The following LPP variants were observed in gnomAD, a reference collection of about 807,000 sequenced individuals.
The protein encoded by LPP is LIM domain containing preferred translocation partner in lipoma.
A neutral mutation model predicts 60.4 loss-of-function variants in LPP; 38 were observed. The observed-to-expected ratio is 0.63, with a 90% CI of 0.49 to 0.83. The LOEUF (loss-of-function observed/expected upper bound fraction) is 0.83. LPP is among the 40% of genes least tolerant of loss of function. The probability of loss-of-function intolerance (pLI) is 0.00; values close to 1 mark genes in which losing one functional copy is unlikely to be tolerated. For synonymous variants in LPP, 328 were observed against 290.8 expected, an observed-to-expected ratio of 1.13 and a Z score of -1.30; for missense variants, 902 against 783.6, an observed-to-expected ratio of 1.15 and a Z score of -1.80.
intron 9 of LPP, among the ~76,000 whole-genome samples, chr3:188,850,339 A>G (rs569975819): frequency 2.4e-4 from 37 of 152,332 alleles, no homozygotes; most frequent in Non-Finnish European, 5.0e-4. Context: ...AACTTAATAC[A>G]TCTTTCAACA....
intron 9 of LPP, among the ~76,000 whole-genome samples, chr3:188,853,600 G>T (rs1201522969): frequency 1.3e-5 from 2 of 152,170 alleles, no homozygotes; most frequent in Admixed American, 1.3e-4. Flanking sequence ...CCTAGACAGG[G>T]GAGGTAGGAC....
chr3:188,244,028 G>A (rs1334615500), intron 2 of LPP, among the ~76,000 whole-genome samples: 2 of 151,982 alleles, frequency 1.3e-5, no homozygotes, highest in African/African-American at 2.4e-5. Context: ...CCGTCACCAC[G>A]CCCGGCTAAT....
chr3:188,339,836 C>A (rs1373551670), intron 2 of LPP, among the ~76,000 whole-genome samples: 1 of 152,168 alleles, frequency 6.6e-6, no homozygotes, highest in Non-Finnish European at 1.5e-5. Context: ...CGACACTTTG[C>A]CCAGGGATGT....
chr3:188,842,777 C>A (rs1760358123), intron 9 of LPP, among the ~76,000 whole-genome samples: 1 of 151,782 alleles, frequency 6.6e-6, no homozygotes, highest in Non-Finnish European at 1.5e-5. Context: ...GCCTAATTTA[C>A]ATGCAATGAG....
At chr3:188,475,881 C>A (rs945787753) in intron 4 of LPP, among the ~76,000 whole-genome samples, 1 of 152,010 alleles carries the variant, frequency 6.6e-6, no homozygotes, top group Non-Finnish European at 1.5e-5. Context: ...CCAGCCTGGG[C>A]GACAGAGCAA....
intron 3 of LPP, among the ~76,000 whole-genome samples, chr3:188,404,406 T>C (rs1239570669): frequency 6.6e-6 from 1 of 152,124 alleles, no homozygotes; most frequent in Non-Finnish European, 1.5e-5. Flanking sequence ...CATTATATCC[T>C]GCTAATTTTT....
intron 6 of LPP, among the ~76,000 whole-genome samples, chr3:188,591,475 T>C (rs539548931): frequency 6.6e-6 from 1 of 152,334 alleles, no homozygotes; most frequent in Admixed American, 6.5e-5. Flanking sequence ...AATATTATTG[T>C]ACAAAGTAAA....
intron 1 of LPP, among the ~76,000 whole-genome samples, chr3:188,197,707 C>T (rs1729934343): frequency 6.6e-6 from 1 of 152,080 alleles, no homozygotes; most frequent in African/African-American, 2.4e-5. Flanking sequence ...CCAGGCGGCA[C>T]TGGAGCAGAG....
chr3:188,424,227 C>T (rs2149073093), intron 4 of LPP, among the ~76,000 whole-genome samples: 1 of 152,238 alleles, frequency 6.6e-6, no homozygotes, highest in East Asian at 1.9e-4. Flanking sequence ...CTCCCCATTG[C>T]TTGTTTTTGT....
At chr3:188,368,711 C>CAA (rs1560306569) in intron 3 of LPP, among the ~76,000 whole-genome samples, 6 of 120,092 alleles carry the variant, frequency 5.0e-5, no homozygotes, top group Admixed American at 1.0e-4. Flanking sequence ...CACACACACA[C>CAA]ACACACACAG....
chr3:188,649,219 GC>G (rs1433744908), intron 7 of LPP, among the ~76,000 whole-genome samples: 1 of 152,174 alleles, frequency 6.6e-6, no homozygotes, highest in Non-Finnish European at 1.5e-5. Context: ...ATTTAAAATA[GC>G]TTTAAGTTTC....
intron 7 of LPP, among the ~76,000 whole-genome samples, chr3:188,641,816 G>C (rs1272957451): frequency 6.6e-6 from 1 of 152,156 alleles, no homozygotes; most frequent in Non-Finnish European, 1.5e-5. Flanking sequence ...TTCACATGGG[G>C]ACTAGGCAGC....
intron 7 of LPP, among the ~76,000 whole-genome samples, chr3:188,651,459 G>A (rs865961006): frequency 1.7e-4 from 26 of 152,166 alleles, no homozygotes; most frequent in Admixed American, 5.9e-4. Flanking sequence ...AGAAACAATC[G>A]TTTTATTTCT....
intron 4 of LPP, among the ~76,000 whole-genome samples, chr3:188,425,373 A>G (rs1165799621): frequency 1.3e-5 from 2 of 152,050 alleles, no homozygotes; most frequent in African/African-American, 2.4e-5. Context: ...GATTTTCACA[A>G]TGATGTTCAT....
At chr3:188,341,526 G>T (rs1478294424) in intron 2 of LPP, 137 bp from the exon 3 acceptor site, 3 of 174,890 alleles carry the variant, frequency 1.7e-5, no homozygotes, top group African/African-American at 7.2e-5. Context: ...TCGGGTTCCT[G>T]TGGGGTGCAA....
At chr3:188,225,057 A>G (rs1429977646) in intron 1 of LPP, among the ~76,000 whole-genome samples, 1 of 152,160 alleles carries the variant, frequency 6.6e-6, no homozygotes, top group African/African-American at 2.4e-5. Context: ...CTCCAAACTC[A>G]TATTCCTTTT....
At chr3:188,322,954 A>C (rs552109663) in intron 2 of LPP, among the ~76,000 whole-genome samples, 4 of 152,234 alleles carry the variant, frequency 2.6e-5, no homozygotes, top group Non-Finnish European at 5.9e-5. Context: ...ACCAATAGTC[A>C]TCTTCCATCT....
intron 7 of LPP, among the ~76,000 whole-genome samples, chr3:188,623,027 T>TAAAAAAAAAAA (rs747020083): frequency 5.0e-5 from 4 of 79,420 alleles, no homozygotes; most frequent in Admixed American, 1.2e-4. Context: ...GACTCCATCT[T>TAAAAAAAAAAA]AAAAAAAAAA....
intron 9 of LPP, among the ~76,000 whole-genome samples, chr3:188,831,795 A>G (rs935928683): frequency 6.6e-6 from 1 of 152,216 alleles, no homozygotes; most frequent in African/African-American, 2.4e-5. Flanking sequence ...CTCTCTCCCT[A>G]CATGTACCTT....
Sources: gnomAD v4.1 joint callset for allele counts (sites outside exome capture counted in the v4.1 genomes callset) on GRCh38, gnomAD v4.1.1 for gene constraint, MANE v1.5 for transcripts, NCBI Gene and HGNC (gene_info 2026-07-23, HGNC 2026-07-21) for gene names.